The following AATF variants were observed in gnomAD, a reference collection of about 807,000 sequenced individuals.
AATF encodes the protein apoptosis antagonizing transcription factor.
AATF carries 48 observed loss-of-function variants against 63.7 expected under a neutral mutation model. The ratio of observed to expected loss-of-function variants is 0.75; its 90% CI spans 0.60 to 0.96. The LOEUF (loss-of-function observed/expected upper bound fraction) is 0.96. Ranked by LOEUF, AATF falls within the 40% of genes least tolerant of loss-of-function variation. AATF has a pLI of 0.00. For synonymous variants in AATF, 258 were observed against 247.7 expected, an observed-to-expected ratio of 1.04 and a Z score of -0.39; for missense variants, 639 against 685.7, an observed-to-expected ratio of 0.93 and a Z score of 0.76.
chr17:36,996,944 C>T (rs1282959486), intron 8 of AATF, among the ~76,000 whole-genome samples: 1 of 152,170 alleles, frequency 6.6e-6, no homozygotes, highest in African/African-American at 2.4e-5. Context: ...TAAAACAGTA[C>T]ATTTTACAGG....
At chr17:36,991,834 C>T (rs1190319528) in intron 8 of AATF, among the ~76,000 whole-genome samples, 2 of 152,170 alleles carry the variant, frequency 1.3e-5, no homozygotes, top group Admixed American at 6.5e-5. Context: ...ATCTCCCTGC[C>T]TCAGCCTCCC....
intron 4 of AATF, among the ~76,000 whole-genome samples, chr17:36,967,775 A>G (rs1253002365): frequency 2.0e-5 from 3 of 152,002 alleles, no homozygotes; most frequent in African/African-American, 7.3e-5. Context: ...TGGTTTGTAT[A>G]TAGAATTCTA....
intron 11 of AATF, among the ~76,000 whole-genome samples, chr17:37,038,563 T>G (rs2071611231): frequency 6.6e-6 from 1 of 152,166 alleles, no homozygotes; most frequent in African/African-American, 2.4e-5. Context: ...ATTAGATAGA[T>G]TTGATGCTGG....
rs914087397 is a variant in AATF, at chr17:36,950,727, C to G, written c.283+322C>G. ...TTGGTCAGGCACCCCTATCTGTTAT[C>G]TTAGGAGAGACCATTGATTTGGTAT... is the stretch of plus-strand genomic sequence containing the variant. On this transcript the variant is annotated intron_variant, in intron 2 of 11. Coordinates refer to ENST00000619387, the MANE Select transcript of AATF (RefSeq NM_012138.4). Among the ~76,000 whole-genome samples the G allele has an allele frequency of 3.9e-5, 6 of 152,228 alleles. No individual in the cohort carries two copies. The East Asian group carries it at 1.2e-3, about 29-fold the overall frequency.
chr17:36,973,932 G>T (rs773906939), intron 4 of AATF, among the ~76,000 whole-genome samples: 2 of 152,080 alleles, frequency 1.3e-5, no homozygotes, highest in African/African-American at 4.8e-5. Flanking sequence ...TTAGCTGGGC[G>T]TGGTGGCATA....
chr17:36,980,373 CCT>C (rs1033701575), intron 4 of AATF: 4 of 152,266 alleles, frequency 2.6e-5, no homozygotes, highest in Admixed American at 6.5e-5. Flanking sequence ...AAGGGAAAGA[CCT>C]TTGGAAATGG....
intron 4 of AATF, among the ~76,000 whole-genome samples, chr17:36,963,278 G>A (rs2070963535): frequency 1.3e-5 from 2 of 152,182 alleles, no homozygotes; most frequent in African/African-American, 4.8e-5. Context: ...CCTCTTTAGT[G>A]AGCATCGATC....
Position 36,989,339 on chromosome 17 carries a change from CTCTG to C in AATF, c.1246_1249del (p.Val416IlefsTer34). Reference sequence around the variant, plus strand: ...TACTTCGAAGGACACAGACCAAGCGCTCTGTCTATCGAGTTCTTGGCAAACCTGA... The same window carrying C: ...TACTTCGAAGGACACAGACCAAGCGCTCTATCGAGTTCTTGGCAAACCTGA... On this transcript the variant is annotated frameshift_variant, in exon 7 of 12. Transcript: ENST00000619387. LOFTEE classifies it high-confidence loss of function. 4 of 1,614,112 alleles carry C rather than the reference CTCTG, an allele frequency of 2.5e-6. No homozygotes were observed. The highest frequency in any genetic ancestry group is 1.3e-5 in the African/African-American group (1 of 75,054).
At position 37,019,088 on chromosome 17, in the gene AATF, C is replaced by T. The variant is rs1285225565; in HGVS notation, c.1466+16C>T. 1 of 1,610,998 alleles carries T rather than the reference C, an allele frequency of 6.2e-7. No individual in the cohort carries two copies. The highest frequency in any genetic ancestry group is 1.1e-5 in the South Asian group (1 of 91,028). ...CCATGGGAAGGTAATTTAGATACAG[C>T]TTTCTGTTCATGCAAGCAGCCTATG... On this transcript the variant is annotated intron_variant, in intron 9 of 11. Coordinates refer to ENST00000619387, the MANE Select transcript of AATF (RefSeq NM_012138.4).
chr17:37,026,859 C>T (rs2071514668), intron 10 of AATF, among the ~76,000 whole-genome samples: 1 of 152,072 alleles, frequency 6.6e-6, no homozygotes, highest in African/African-American at 2.4e-5. Flanking sequence ...AACCAAGTGG[C>T]CCCCCAGGCT....
intron 4 of AATF, among the ~76,000 whole-genome samples, chr17:36,955,455 G>A (rs2070891911): frequency 1.3e-5 from 2 of 152,136 alleles, no homozygotes. Context: ...CCCCGCCCCT[G>A]TCTTTGCCTC....
At chr17:37,001,283 G>A (rs936629045) in intron 8 of AATF, among the ~76,000 whole-genome samples, 6 of 151,456 alleles carry the variant, frequency 4.0e-5, no homozygotes, top group Admixed American at 3.3e-4. Context: ...CTGTGGCACT[G>A]TACTCCAGCC....
At chr17:36,998,286 C>T (rs942915341) in intron 8 of AATF, among the ~76,000 whole-genome samples, 1 of 152,088 alleles carries the variant, frequency 6.6e-6, no homozygotes, top group Non-Finnish European at 1.5e-5. Context: ...AGTTGGATAG[C>T]GTCTTTGGAG....
In AATF at chr17:37,041,763, C is replaced by T. The variant is rs559283998; in HGVS notation, c.1619+10078C>T. ...CAGGTGATCCACCCACCTCAGCCTC[C>T]CAGAGTGCTGGGATTACAGGTGTGA... is the stretch of plus-strand genomic sequence containing the variant. On this transcript the variant is annotated intron_variant, in intron 11 of 11. Transcript: ENST00000619387. Among the ~76,000 whole-genome samples the T allele has an allele frequency of 5.3e-4, 80 of 152,340 alleles. 1 individual carries two copies. The South Asian group carries it at 0.016, about 30-fold the overall frequency.
intron 11 of AATF, among the ~76,000 whole-genome samples, chr17:37,051,687 CAG>C (rs2071751490): frequency 2.3e-5 from 3 of 131,952 alleles, no homozygotes; most frequent in African/African-American, 6.0e-5. Flanking sequence ...GACAGACAGA[CAG>C]ACAGACAGAC....
chr17:37,046,987 A>G (rs1011131349), intron 11 of AATF, among the ~76,000 whole-genome samples: 1 of 152,144 alleles, frequency 6.6e-6, no homozygotes, highest in African/African-American at 2.4e-5. Context: ...TAAACACAAC[A>G]CTGGCCAACT....
At chr17:36,996,341 G>T (rs1318156263) in intron 8 of AATF, among the ~76,000 whole-genome samples, 1 of 152,192 alleles carries the variant, frequency 6.6e-6, no homozygotes, top group Non-Finnish European at 1.5e-5. Flanking sequence ...GACTGAGGTG[G>T]GAAAATCATC....
At chr17:37,035,090 C>T (rs2071580850) in intron 11 of AATF, among the ~76,000 whole-genome samples, 1 of 150,136 alleles carries the variant, frequency 6.7e-6, no homozygotes, top group African/African-American at 2.5e-5. Context: ...TGCCACTGCA[C>T]TCCAGCCTGG....
rs557623438 is a variant in AATF at position 37,028,868 on chromosome 17, C to T, written c.1548-2746C>T. On this transcript the variant is annotated intron_variant, in intron 10 of 11. Transcript: ENST00000619387. ...TGAAAATAGGGTACTTCTGTTCCTA[C>T]GGTTATATGCAGCTATTTATAAATT... is the stretch of plus-strand genomic sequence containing the variant. Among the ~76,000 whole-genome samples, 37 of 152,136 alleles carry T rather than the reference C, an allele frequency of 2.4e-4. 1 individual carries two copies. Among genetic ancestry groups the T allele is most frequent in the African/African-American group, 8.2e-4 (34 of 41,500 alleles).
Sources: gnomAD v4.1 joint callset for allele counts (sites outside exome capture counted in the v4.1 genomes callset) on GRCh38, gnomAD v4.1.1 for gene constraint, MANE v1.5 for transcripts, NCBI Gene and HGNC (gene_info 2026-07-23, HGNC 2026-07-21) for gene names.